TTLL7: variants seen among roughly 807,000 people sequenced by gnomAD.
TTLL7 encodes tubulin tyrosine ligase like 7.
In TTLL7, 53 loss-of-function variants were observed where a neutral mutation model predicts 120.2. That is an observed-to-expected ratio of 0.44 (90% CI 0.35 to 0.55). The LOEUF (loss-of-function observed/expected upper bound fraction) is 0.55, where lower values mean the gene tolerates loss of function less well. Ranked by LOEUF, TTLL7 falls within the 20% of genes least tolerant of loss-of-function variation. TTLL7 has a pLI of 0.00. For synonymous variants in TTLL7, 353 were observed against 351.7 expected (o/e 1.00, Z -0.04); for missense variants, 803 against 1,054.7 (o/e 0.76, Z 3.31).
At chr1:83,888,990 T>A (rs935158608) in intron 19 of TTLL7, among the ~76,000 whole-genome samples, 1 of 152,032 alleles carries the variant, frequency 6.6e-6, no homozygotes, top group African/African-American at 2.4e-5. Context: ...CTGTCATACT[T>A]TATCTGTATC....
At position 83,892,727 on chromosome 1, in the gene TTLL7, AAC is replaced by A. The variant is rs1183414541; in HGVS notation, c.2209-2248_2209-2247del. Among the ~76,000 whole-genome samples, 162 of 23,888 alleles carry A rather than the reference AAC, an allele frequency of 6.8e-3. 13 individuals are homozygous for A. Among genetic ancestry groups the A allele is most frequent in the African/African-American group, 0.013 (65 of 5,094 alleles). The allele number at this position is 23,888 out of a possible 152,430, so 15.7% of individuals were successfully genotyped here. On this transcript the variant is annotated intron_variant, in intron 18 of 20. Transcript: ENST00000260505. Reference sequence around the variant, plus strand: ...ATGAACATATGAACATATATATGTGAACACATATATATGAGCGCATATGTGAA... The same window carrying A: ...ATGAACATATGAACATATATATGTGAACATATATATGAGCGCATATGTGAA...
At chr1:83,939,978 ACT>A (rs913046208) in intron 7 of TTLL7, among the ~76,000 whole-genome samples, 2 of 152,070 alleles carry the variant, frequency 1.3e-5, no homozygotes, top group African/African-American at 4.8e-5. Flanking sequence ...TCTGTATTTC[ACT>A]TTTTAATATT....
At position 83,866,543 on chromosome 1, in the gene TTLL7, T is replaced by A. The variant is rs1557485318; in HGVS notation, c.*3419A>T. The A allele has an allele frequency of 6.6e-6, 1 of 151,768 alleles. No individual in the cohort carries two copies. Among genetic ancestry groups the A allele is most frequent in the Non-Finnish European group, 1.5e-5 (1 of 67,766 alleles). 9.4% of individuals were successfully genotyped at this position (151,768 alleles called of 1,614,324 possible). A position where few individuals can be genotyped will look rare whatever the true frequency, so the allele number is the denominator to read the frequency against. ...CATTTGGGTTTGGTTTGGTTTTAGTTTTAGGGAGAAAGAAATAGTTGAAAC... is the reference window on the plus strand; with the variant it reads ...CATTTGGGTTTGGTTTGGTTTTAGTATTAGGGAGAAAGAAATAGTTGAAAC... On this transcript the variant is annotated 3_prime_UTR_variant, in exon 21 of 21. Coordinates refer to ENST00000260505, the MANE Select transcript of TTLL7 (RefSeq NM_024686.6).
At chr1:83,978,288 C>G (rs895441791) in intron 1 of TTLL7, among the ~76,000 whole-genome samples, 2 of 152,104 alleles carry the variant, frequency 1.3e-5, no homozygotes, top group African/African-American at 4.8e-5. Flanking sequence ...ACTGATGAAG[C>G]TTTTCTTTCT....
Position 83,917,686 on chromosome 1 carries a change from T to C in TTLL7, c.1505A>G (p.Glu502Gly). The C allele has an allele frequency of 1.9e-6, 3 of 1,607,874 alleles. No individual in the cohort carries two copies. The South Asian group carries it at 3.3e-5, about 18-fold the overall frequency. ...TTGCTCCAGAAGATCCAAAATATCT[T>C]CTTCCTTCAAAAAATATTCTAATTA... ...LNNPLKRMKE[E>G]DILDLLEQCE... Residue 502 changes from glutamate (E) to glycine (G), a missense_variant, in exon 14 of 21, where the codon GAA becomes GGA. Coordinates refer to ENST00000260505, the MANE Select transcript of TTLL7 (RefSeq NM_024686.6).
At chr1:83,939,502 T>C (rs1006900452) in intron 7 of TTLL7, among the ~76,000 whole-genome samples, 1 of 152,192 alleles carries the variant, frequency 6.6e-6, no homozygotes, top group African/African-American at 2.4e-5. Flanking sequence ...TTGACAAAAA[T>C]AGACATCTAA....
intron 20 of TTLL7, among the ~76,000 whole-genome samples, chr1:83,881,235 A>G (rs977928077): frequency 2.6e-5 from 4 of 151,808 alleles, no homozygotes; most frequent in Admixed American, 6.6e-5. Context: ...GCCAAAATTG[A>G]CAAATGGAAT....
At chr1:83,953,546 T>C (rs1230574482) in intron 1 of TTLL7, among the ~76,000 whole-genome samples, 1 of 152,166 alleles carries the variant, frequency 6.6e-6, no homozygotes, top group Non-Finnish European at 1.5e-5. Flanking sequence ...CTAAAATGAT[T>C]GTCTAGTATA....
chr1:83,971,792 G>A (rs1013995928), intron 1 of TTLL7, among the ~76,000 whole-genome samples: 5 of 151,896 alleles, frequency 3.3e-5, no homozygotes, highest in African/African-American at 9.7e-5. Flanking sequence ...CCCCACTTCA[G>A]TCTCCCTGTC....
chr1:83,903,875 T>C (rs1451425987), intron 18 of TTLL7, among the ~76,000 whole-genome samples: 1 of 152,068 alleles, frequency 6.6e-6, no homozygotes, highest in Non-Finnish European at 1.5e-5. Flanking sequence ...GTAAGTTCTA[T>C]GAAAGCATGG....
At chr1:83,949,054 T>G (rs1648777374) in intron 4 of TTLL7, 1 of 164,596 alleles carries the variant, frequency 6.1e-6, no homozygotes, top group Non-Finnish European at 1.3e-5. Flanking sequence ...TTCACTACAG[T>G]CAATTTTATA....
At chr1:83,897,880 A>C (rs1448251053) in intron 18 of TTLL7, among the ~76,000 whole-genome samples, 2 of 151,606 alleles carry the variant, frequency 1.3e-5, no homozygotes, top group Non-Finnish European at 2.9e-5. Flanking sequence ...AAAAAAAAAA[A>C]AAAAACTTTC....
intron 18 of TTLL7, among the ~76,000 whole-genome samples, chr1:83,893,990 T>C (rs918801734): frequency 3.9e-5 from 6 of 152,126 alleles, no homozygotes; most frequent in Admixed American, 6.6e-5. Context: ...TATTGAAATA[T>C]GAGTATCAAG....
intron 1 of TTLL7, among the ~76,000 whole-genome samples, chr1:83,986,297 T>A (rs773611685): frequency 8.2e-4 from 125 of 152,216 alleles, no homozygotes; most frequent in Non-Finnish European, 1.5e-3. Context: ...ATTTCATGTA[T>A]GCAAGGCTGA....
At chr1:83,986,389 A>C (rs1652442953) in intron 1 of TTLL7, among the ~76,000 whole-genome samples, 1 of 152,250 alleles carries the variant, frequency 6.6e-6, no homozygotes, top group Non-Finnish European at 1.5e-5. Flanking sequence ...ATCAATTGAT[A>C]CTAAAAAAAG....
intron 1 of TTLL7, among the ~76,000 whole-genome samples, chr1:83,960,113 A>G (rs1393132811): frequency 6.6e-6 from 1 of 152,168 alleles, no homozygotes; most frequent in Non-Finnish European, 1.5e-5. Context: ...GGCATTTGAA[A>G]TAAGAGGTAG....
chr1:83,921,363 G>C lies in TTLL7; in HGVS notation c.1174C>G (p.Gln392Glu), dbSNP rs1658646762. ...TSDKRRNLAKQKAEAQRRLYG... is the reference protein window; with the variant it reads ...TSDKRRNLAKEKAEAQRRLYG... ...AGCCTCCTTTGAGCCTCAGCTTTTT[G>C]TTTGGCCAAGTTTCTTCTTTTGTCA... Residue 392 changes from glutamine to glutamate, a missense_variant, in exon 11 of 21, where the codon CAA becomes GAA. Gln to Glu is a conservative substitution (Grantham distance 29). This residue lies in a region of TTLL7 where 324 missense variants were observed against 507.7 expected (regional missense o/e 0.64). Coordinates refer to ENST00000260505, the MANE Select transcript of TTLL7 (RefSeq NM_024686.6). 1.2e-6 allele frequency: 2 copies of C among 1,611,384 alleles called. No homozygotes were observed. The highest frequency in any genetic ancestry group is 1.7e-6 in the Non-Finnish European group (2 of 1,179,606).
chr1:83,933,048 C>T (rs1160381738), intron 9 of TTLL7, among the ~76,000 whole-genome samples: 1 of 152,182 alleles, frequency 6.6e-6, no homozygotes, highest in East Asian at 1.9e-4. Context: ...TGGTAACTCT[C>T]ACCCTACCAG....
In TTLL7 at chr1:83,921,076, A is replaced by G; in HGVS notation, c.1364+11T>C. Reference sequence around the variant, plus strand: ...TTTTTTCAATCTATACAAAAATAGCAGCACAGTTACCTATAATTCCCCATA... The same window carrying G: ...TTTTTTCAATCTATACAAAAATAGCGGCACAGTTACCTATAATTCCCCATA... On this transcript the variant is annotated intron_variant, in intron 12 of 20. Coordinates refer to ENST00000260505, the MANE Select transcript of TTLL7 (RefSeq NM_024686.6). 1 of 1,606,750 alleles carries G rather than the reference A, an allele frequency of 6.2e-7. No individual in the cohort carries two copies. Among genetic ancestry groups the G allele is most frequent in the Non-Finnish European group, 8.5e-7 (1 of 1,177,312 alleles).
Sources: allele counts gnomAD v4.1 joint callset (sites outside exome capture counted in the v4.1 genomes callset), GRCh38; gene constraint gnomAD v4.1.1; regional missense constraint gnomAD v4.1.1; transcripts MANE v1.5; gene names NCBI Gene and HGNC (gene_info 2026-07-23, HGNC 2026-07-21).